The following IGFBP7 variants were observed in gnomAD, a reference collection of about 807,000 sequenced individuals.
The protein encoded by IGFBP7 is insulin like growth factor binding protein 7.
Under a neutral mutation model 29.4 loss-of-function variants are expected in IGFBP7, and 31 were observed. The observed-to-expected ratio is 1.05, with a 90% CI of 0.79 to 1.42. The LOEUF (loss-of-function observed/expected upper bound fraction) is 1.42. IGFBP7 is among the 40% of genes most tolerant of loss of function. IGFBP7 has a pLI of 0.00. For synonymous variants in IGFBP7, 172 were observed against 174.9 expected (o/e 0.98, Z 0.13); for missense variants, 393 against 395.5 (o/e 0.99, Z 0.05).
intron 1 of IGFBP7, among the ~76,000 whole-genome samples, chr4:57,062,649 A>G (rs1418462345): frequency 3.9e-5 from 6 of 152,170 alleles, no homozygotes; most frequent in African/African-American, 1.4e-4. Flanking sequence ...TAATGTTTTC[A>G]ATCAGTGTTT....
In IGFBP7 at chr4:57,032,583, T is replaced by A. The variant is rs779318636; in HGVS notation, c.703-31A>T. Reference sequence around the variant, plus strand: ...AAAGAAAAAAGATCTAGTATTCCTCTGTGGTGGTCTTCTCTTTTGTCAGTG... The same window carrying A: ...AAAGAAAAAAGATCTAGTATTCCTCAGTGGTGGTCTTCTCTTTTGTCAGTG... On this transcript the variant is annotated intron_variant, in intron 3 of 4. Coordinates refer to ENST00000295666, the MANE Select transcript of IGFBP7 (RefSeq NM_001553.3). 9.8e-6 allele frequency: 15 copies of A among 1,537,564 alleles called. 1 individual carries two copies. In the South Asian group the frequency reaches 1.5e-4, roughly 15 times the overall value.
At chr4:57,098,258 G>T (rs1379629180) in intron 1 of IGFBP7, among the ~76,000 whole-genome samples, 1 of 152,172 alleles carries the variant, frequency 6.6e-6, no homozygotes. Flanking sequence ...TACTGGCCAA[G>T]CTCTGTAACT....
chr4:57,046,622 C>T (rs1234765389), intron 1 of IGFBP7, among the ~76,000 whole-genome samples: 8 of 152,144 alleles, frequency 5.3e-5, no homozygotes, highest in African/African-American at 1.4e-4. Flanking sequence ...GGACAAACAT[C>T]AGGATAGGTC....
At chr4:57,072,163 G>A (rs1447838573) in intron 1 of IGFBP7, among the ~76,000 whole-genome samples, 1 of 151,656 alleles carries the variant, frequency 6.6e-6, no homozygotes, top group African/African-American at 2.4e-5. Flanking sequence ...TCCACTGTCA[G>A]GTAGACCCCA....
chr4:57,031,251 C>G lies in IGFBP7; in HGVS notation c.*66G>C. ...ATTGGATTAAAAGAAACTTATTAGG[C>G]AAGAACAGGTAATGTAGTTATCCAT... On this transcript the variant is annotated 3_prime_UTR_variant, in exon 5 of 5. Coordinates refer to ENST00000295666, the MANE Select transcript of IGFBP7 (RefSeq NM_001553.3). 2 of 1,303,068 alleles carry G rather than the reference C, an allele frequency of 1.5e-6. No homozygotes were observed. The highest frequency in any genetic ancestry group is 2.2e-6 in the Non-Finnish European group (2 of 902,504). 80.7% of individuals were successfully genotyped at this position (1,303,068 alleles called of 1,614,324 possible). A position where few individuals can be genotyped will look rare whatever the true frequency, so the allele number is the denominator to read the frequency against.
chr4:57,044,048 G>T (rs6852762), intron 1 of IGFBP7, among the ~76,000 whole-genome samples: 1 of 152,178 alleles, frequency 6.6e-6, no homozygotes, highest in African/African-American at 2.4e-5. Flanking sequence ...TCTGAGAAGA[G>T]CATACCAGTT....
chr4:57,110,074 C>T lies in IGFBP7; in HGVS notation c.278G>A (p.Arg93Lys). The T allele has an allele frequency of 1.3e-6, 2 of 1,556,366 alleles. No individual in the cohort carries two copies. Among genetic ancestry groups the T allele is most frequent in the Admixed American group, 1.9e-5 (1 of 53,984 alleles). The change falls in exon 1 of 5, where the codon AGG becomes AAG. Residue 93 changes from arginine to lysine, a missense_variant. Coordinates refer to ENST00000295666, the MANE Select transcript of IGFBP7 (RefSeq NM_001553.3). ...TGCTGCCCCGGCTTTACCCTTCCGC[C>T]TCTTGCGGCTCTTCACGCACTCCAT... ...PGMECVKSRK[R>K]RKGKAGAAAG... is the part of the protein sequence containing the mutation.
intron 1 of IGFBP7, among the ~76,000 whole-genome samples, chr4:57,041,996 CG>C (rs1329954617): frequency 6.6e-6 from 1 of 152,186 alleles, no homozygotes; most frequent in East Asian, 1.9e-4. Flanking sequence ...CCTTTCCCAG[CG>C]TTCTCAGTGT....
At chr4:57,066,450 A>T (rs1160121147) in intron 1 of IGFBP7, among the ~76,000 whole-genome samples, 1 of 152,176 alleles carries the variant, frequency 6.6e-6, no homozygotes, top group Non-Finnish European at 1.5e-5. Context: ...GCTACTCCCA[A>T]GTTTTTGATC....
At chr4:57,107,254 T>C (rs138834088) in intron 1 of IGFBP7, among the ~76,000 whole-genome samples, 1 of 152,290 alleles carries the variant, frequency 6.6e-6, no homozygotes, top group East Asian at 1.9e-4. Context: ...GCATGTTAAA[T>C]GGAACCAAAG....
chr4:57,053,360 CT>C (rs920516759), intron 1 of IGFBP7, among the ~76,000 whole-genome samples: 1 of 151,958 alleles, frequency 6.6e-6, no homozygotes, highest in Non-Finnish European at 1.5e-5. Flanking sequence ...TTGTATGGGT[CT>C]AGCATTAAAA....
chr4:57,098,052 T>G (rs1159853291), intron 1 of IGFBP7, among the ~76,000 whole-genome samples: 1 of 152,142 alleles, frequency 6.6e-6, no homozygotes, highest in Admixed American at 6.5e-5. Context: ...TGTGAAAAAC[T>G]TCATCCCAAT....
At chr4:57,086,358 T>A (rs1725497657) in intron 1 of IGFBP7, among the ~76,000 whole-genome samples, 1 of 152,208 alleles carries the variant, frequency 6.6e-6, no homozygotes, top group Admixed American at 6.5e-5. Flanking sequence ...GAGCCCCGGC[T>A]GGGGGTTTTG....
intron 1 of IGFBP7, among the ~76,000 whole-genome samples, chr4:57,094,108 A>G (rs920315717): frequency 1.3e-5 from 2 of 152,124 alleles, no homozygotes; most frequent in Non-Finnish European, 2.9e-5. Flanking sequence ...ACCAGGATGG[A>G]CTGCAGGTTT....
intron 1 of IGFBP7, among the ~76,000 whole-genome samples, chr4:57,075,875 C>T (rs1725210473): frequency 1.3e-5 from 2 of 152,176 alleles, no homozygotes; most frequent in Non-Finnish European, 2.9e-5. Flanking sequence ...TCCTTGTCCA[C>T]TTGGAACATG....
chr4:57,068,881 CTT>C (rs34976333), intron 1 of IGFBP7, among the ~76,000 whole-genome samples: 24,075 of 150,602 alleles, frequency 0.16, 1,975 homozygotes, highest in South Asian at 0.17. Flanking sequence ...CCATTTGCTA[CTT>C]TTTTTTTTAC....
intron 1 of IGFBP7, among the ~76,000 whole-genome samples, chr4:57,083,596 G>T (rs1281621921): frequency 6.6e-6 from 1 of 152,072 alleles, no homozygotes; most frequent in Non-Finnish European, 1.5e-5. Context: ...TTCCTGTTTT[G>T]TTTATGGTTT....
At chr4:57,086,062 C>T (rs1383362519) in intron 1 of IGFBP7, among the ~76,000 whole-genome samples, 2 of 152,170 alleles carry the variant, frequency 1.3e-5, no homozygotes, top group Non-Finnish European at 2.9e-5. Context: ...GTTTAATGGA[C>T]TCACAGTTTC....
intron 2 of IGFBP7, among the ~76,000 whole-genome samples, chr4:57,033,645 T>C (rs956766291): frequency 1.3e-5 from 2 of 152,172 alleles, no homozygotes; most frequent in Non-Finnish European, 2.9e-5. Flanking sequence ...CCAGGCCTTT[T>C]GCCTGTCATG....
Sources: gnomAD v4.1 joint callset for allele counts (sites outside exome capture counted in the v4.1 genomes callset) on GRCh38, gnomAD v4.1.1 for gene constraint, MANE v1.5 for transcripts, NCBI Gene and HGNC (gene_info 2026-07-23, HGNC 2026-07-21) for gene names.